Variants in DNAH7 observed in about 807,000 individuals in gnomAD.
DNAH7 encodes dynein axonemal heavy chain 7.
Under a neutral mutation model 444.6 loss-of-function variants are expected in DNAH7, and 397 were observed. The ratio of observed to expected loss-of-function variants is 0.89; its 90% CI spans 0.82 to 0.97. DNAH7 has a LOEUF of 0.97. Among genes scored for constraint, DNAH7 ranks in the 50% least tolerant of loss-of-function variants. DNAH7 has a pLI of 0.00. For missense variants in DNAH7, 4,902 were observed against 4,800.8 expected (o/e 1.02, Z -0.62); for synonymous variants, 1,636 against 1,624.4 (o/e 1.01, Z -0.17).
chr2:195,959,036 G>A (rs999924140), intron 18 of DNAH7, among the ~76,000 whole-genome samples: 2 of 152,054 alleles, frequency 1.3e-5, no homozygotes, highest in Admixed American at 1.3e-4. Context: ...ACTCCAGCCT[G>A]GGCAGCAGAG....
intron 61 of DNAH7, among the ~76,000 whole-genome samples, chr2:195,758,491 TG>T (rs1694192739): frequency 6.6e-6 from 1 of 152,192 alleles, no homozygotes. Context: ...CAGAGCAAGA[TG>T]GCCAATAGAA....
Position 195,960,711 on chromosome 2 carries a change from A to C in DNAH7, c.2440T>G (p.Phe814Val). Residue 814 changes from phenylalanine (F) to valine (V), a missense_variant, in exon 18 of 65, where the codon TTT (phenylalanine) becomes GTT (valine). Transcript: ENST00000312428. ...WRGLYKLEKT[F>V]HDSPYALAMT... is the part of the protein sequence containing the mutation. ...GCCAATGCATATGGAGAATCATGAA[A>C]GGTTTTCTCCAGTTTATATAATCCT... is the stretch of plus-strand genomic sequence containing the variant. 2 of 1,614,206 alleles carry C rather than the reference A, an allele frequency of 1.2e-6. No homozygotes were observed. Among genetic ancestry groups the C allele is most frequent in the Non-Finnish European group, 8.5e-7 (1 of 1,180,024 alleles).
chr2:195,917,415 G>C (rs1255597045), intron 24 of DNAH7, among the ~76,000 whole-genome samples: 2 of 151,686 alleles, frequency 1.3e-5, no homozygotes, highest in Non-Finnish European at 2.9e-5. Flanking sequence ...TGCACAGGTG[G>C]ACAGCCCACC....
intron 21 of DNAH7, among the ~76,000 whole-genome samples, chr2:195,930,651 T>C (rs1324904702): frequency 6.6e-6 from 1 of 152,164 alleles, no homozygotes; most frequent in Non-Finnish European, 1.5e-5. Context: ...GAACTACCGT[T>C]CAACCCAGCA....
chr2:195,753,019 A>C (rs1693876464), intron 63 of DNAH7, among the ~76,000 whole-genome samples: 1 of 152,224 alleles, frequency 6.6e-6, no homozygotes, highest in South Asian at 2.1e-4. Context: ...GGCTGATTTA[A>C]GATGAGAGAT....
intron 5 of DNAH7, among the ~76,000 whole-genome samples, chr2:196,045,930 A>G (rs1447897758): frequency 6.6e-6 from 1 of 152,136 alleles, no homozygotes; most frequent in African/African-American, 2.4e-5. Flanking sequence ...TACAAACGGG[A>G]TTAAACAAGC....
chr2:195,815,075 A>G (rs1465947418), intron 51 of DNAH7, among the ~76,000 whole-genome samples: 1 of 147,792 alleles, frequency 6.8e-6, no homozygotes, highest in Non-Finnish European at 1.5e-5. Flanking sequence ...TTCTTGTCCC[A>G]CGGAACTCAG....
intron 36 of DNAH7, among the ~76,000 whole-genome samples, chr2:195,879,209 T>C (rs551980517): frequency 6.6e-6 from 1 of 152,184 alleles, no homozygotes; most frequent in African/African-American, 2.4e-5. Flanking sequence ...GAAAAAGGGC[T>C]CAGATTAACA....
intron 2 of DNAH7, among the ~76,000 whole-genome samples, chr2:196,055,825 C>A (rs1249956978): frequency 1.3e-5 from 2 of 152,178 alleles, no homozygotes; most frequent in African/African-American, 4.8e-5. Context: ...GCCTCCTATA[C>A]AACAACCCCA....
intron 8 of DNAH7, among the ~76,000 whole-genome samples, chr2:196,021,820 A>C (rs994570506): frequency 6.6e-6 from 1 of 151,520 alleles, no homozygotes; most frequent in Non-Finnish European, 1.5e-5. Context: ...ACCCTATCTC[A>C]AGAAAATTAC....
chr2:195,861,278 T>C (rs1338155253), intron 42 of DNAH7, among the ~76,000 whole-genome samples: 2 of 152,120 alleles, frequency 1.3e-5, no homozygotes, highest in African/African-American at 4.8e-5. Context: ...AAACTCACAT[T>C]GACACTTTCT....
intron 15 of DNAH7, among the ~76,000 whole-genome samples, chr2:195,983,621 T>C (rs1692714124): frequency 6.6e-6 from 1 of 152,122 alleles, no homozygotes; most frequent in Admixed American, 6.5e-5. Flanking sequence ...CCTCCAACAC[T>C]GGGGATCATG....
chr2:195,906,453 C>CTTT (rs397870111), intron 27 of DNAH7, among the ~76,000 whole-genome samples: 57 of 114,702 alleles, frequency 5.0e-4, no homozygotes, highest in Non-Finnish European at 6.7e-4. Flanking sequence ...TTCTTTCTTT[C>CTTT]TTTTTTTTTT....
intron 24 of DNAH7, among the ~76,000 whole-genome samples, chr2:195,911,872 A>G (rs1687378890): frequency 6.6e-6 from 1 of 152,238 alleles, no homozygotes; most frequent in Non-Finnish European, 1.5e-5. Flanking sequence ...GAAGAAAATT[A>G]AACCAAAAGT....
intron 1 of DNAH7, among the ~76,000 whole-genome samples, chr2:196,062,532 A>G (rs1411985595): frequency 6.6e-6 from 1 of 152,206 alleles, no homozygotes; most frequent in Non-Finnish European, 1.5e-5. Flanking sequence ...GTAATGACCT[A>G]TCTCCAGAGT....
At chr2:195,972,581 G>T in intron 15 of DNAH7, 115 bp from the exon 16 acceptor site, 1 of 742,060 alleles carries the variant, frequency 1.3e-6, no homozygotes, top group Non-Finnish European at 2.2e-6. Flanking sequence ...CAACACTTTT[G>T]GTTCAAAATC....
chr2:195,957,146 T>C (rs1448747828), intron 19 of DNAH7, 115 bp downstream of exon 19: 6 of 841,918 alleles, frequency 7.1e-6, no homozygotes, highest in African/African-American at 7.0e-5. Context: ...AGACAATGTA[T>C]GTATGAAACA....
At chr2:195,882,567 A>C (rs1409135957) in intron 35 of DNAH7, among the ~76,000 whole-genome samples, 1 of 152,246 alleles carries the variant, frequency 6.6e-6, no homozygotes, top group Non-Finnish European at 1.5e-5. Context: ...TCTCTAGAAC[A>C]GGCAAGATTT....
In DNAH7 at chr2:196,031,441, C is replaced by T. The variant is rs564764583; in HGVS notation, c.399-3394G>A. 1.8e-4 allele frequency among the ~76,000 whole-genome samples: 27 copies of T among 152,348 alleles called. 1 individual carries two copies. In the East Asian group the frequency reaches 2.9e-3, roughly 16 times the overall value. On this transcript the variant is annotated intron_variant, in intron 5 of 64. Transcript: ENST00000312428. Reference sequence around the variant, plus strand: ...TGTCTTGGGGATTAACATTTGGCTCCTTGATACTTATGCAAATTTCTGCAG... The same window carrying T: ...TGTCTTGGGGATTAACATTTGGCTCTTTGATACTTATGCAAATTTCTGCAG...
Sources: allele counts gnomAD v4.1 joint callset (sites outside exome capture counted in the v4.1 genomes callset), GRCh38; gene constraint gnomAD v4.1.1; transcripts MANE v1.5; gene names NCBI Gene and HGNC (gene_info 2026-07-23, HGNC 2026-07-21).